Variants in IL17D observed in about 807,000 individuals in gnomAD.
IL17D encodes interleukin-17D.
In IL17D, 10 loss-of-function variants were observed where a neutral mutation model predicts 5.7. The observed-to-expected ratio is 1.75, with a 90% CI of 1.08 to 2.97. IL17D has a LOEUF of 2.97. Among genes scored for constraint, IL17D ranks in the 30% most tolerant of loss-of-function variants. The pLI is 0.00. For missense variants in IL17D, 354 were observed against 292.7 expected, an observed-to-expected ratio of 1.21 and a Z score of -1.53; for synonymous variants, 172 against 141.7, an observed-to-expected ratio of 1.21 and a Z score of -1.52.
Position 20,721,908 on chromosome 13 carries a change from G to C in IL17D, c.563G>C (p.Gly188Ala), listed in dbSNP as rs529811931. ...ATCAACTCCAGCATCGACAAACAGG[G>C]CGCCAAGCTCCTGCTGGGCCCCAAC... ...DSINSSIDKQ[G>A]AKLLLGPNDA... The change falls in exon 2 of 2, where the codon GGC (glycine) becomes GCC (alanine). Residue 188 changes from glycine to alanine, a missense_variant. Physicochemically the swap from Gly to Ala is moderately conservative, Grantham distance 60. Transcript: ENST00000682841. 6.2e-7 allele frequency: 1 copy of C among 1,606,536 alleles called. No homozygotes were observed. Among genetic ancestry groups the C allele is most frequent in the African/African-American group, 1.3e-5 (1 of 74,924 alleles).
chr13:20,714,069 G>A (rs924397425), intron 1 of IL17D: 2 of 152,264 alleles, frequency 1.3e-5, no homozygotes, highest in African/African-American at 4.8e-5. Context: ...GTGGGCATGA[G>A]TCGTGTTTTT....
chr13:20,718,837 GAC>G (rs1365123397), intron 1 of IL17D, among the ~76,000 whole-genome samples: 1 of 71,004 alleles, frequency 1.4e-5, no homozygotes, highest in Non-Finnish European at 2.8e-5. Flanking sequence ...CCCACACTCA[GAC>G]ACACCTGCCC....
At chr13:20,712,150 T>G (rs755648248) in intron 1 of IL17D, among the ~76,000 whole-genome samples, 27 of 152,240 alleles carry the variant, frequency 1.8e-4, no homozygotes, top group Non-Finnish European at 2.9e-4. Flanking sequence ...ACCCTGACAC[T>G]CCTCCTGCAG....
intron 1 of IL17D, among the ~76,000 whole-genome samples, chr13:20,720,731 G>C (rs1205547900): frequency 6.6e-6 from 1 of 152,132 alleles, no homozygotes; most frequent in Non-Finnish European, 1.5e-5. Flanking sequence ...TCAAACAGTG[G>C]ACTAGTGCTT....
chr13:20,715,895 G>C (rs1026361227), intron 1 of IL17D, among the ~76,000 whole-genome samples: 7 of 152,136 alleles, frequency 4.6e-5, no homozygotes, highest in African/African-American at 1.7e-4. Flanking sequence ...CACGCACCAC[G>C]ACGCCTGGCT....
At chr13:20,702,740 G>C (rs868560188), upstream of IL17D, 1 of 152,238 alleles carries the variant, frequency 6.6e-6, no homozygotes, top group South Asian at 2.1e-4. Context: ...GAACAGCCAT[G>C]AAAGTGCCAG....
Position 20,716,183 on chromosome 13 carries a change from A to T in IL17D, c.291-5453A>T, listed in dbSNP as rs1442223069. 1.4e-6 allele frequency: 1 copy of T among 725,226 alleles called. No homozygotes were observed. Among genetic ancestry groups the T allele is most frequent in the African/African-American group, 1.9e-5 (1 of 52,644 alleles). 44.9% of individuals were successfully genotyped at this position (725,226 alleles called of 1,614,324 possible). A position where few individuals can be genotyped will look rare whatever the true frequency, so the allele number is the denominator to read the frequency against. ...CTCTCAGCTCTTGGAGAGGGATGCTACATGTCCCTCAGTGTCCCCAGAGGA... is the reference window on the plus strand; with the variant it reads ...CTCTCAGCTCTTGGAGAGGGATGCTTCATGTCCCTCAGTGTCCCCAGAGGA... On this transcript the variant is annotated intron_variant, in intron 1 of 1. Coordinates refer to ENST00000682841, the MANE Select transcript of IL17D (RefSeq NM_001385224.1). The surrounding 1 kb of genome is among the most constrained non-coding windows in gnomAD (Gnocchi z 4.2).
intron 1 of IL17D, among the ~76,000 whole-genome samples, chr13:20,711,177 T>C (rs2058634035): frequency 6.6e-6 from 1 of 151,774 alleles, no homozygotes; most frequent in Non-Finnish European, 1.5e-5. Flanking sequence ...GGCAGGAGAA[T>C]CACTTGAACT....
intron 1 of IL17D, among the ~76,000 whole-genome samples, chr13:20,719,825 T>TTGA (rs1206346002): frequency 2.0e-5 from 3 of 152,174 alleles, no homozygotes; most frequent in Non-Finnish European, 4.4e-5. Context: ...TTGCATGTGT[T>TTGA]TGATAAATGA....
rs575349961 is a variant in IL17D, at chr13:20,721,735, C to G, written c.390C>G (p.Arg130=). 1.9e-6 allele frequency: 3 copies of G among 1,610,862 alleles called. No homozygotes were observed. Among genetic ancestry groups the G allele is most frequent in the African/African-American group, 2.7e-5 (2 of 75,048 alleles). ...LTGLFGEEDV[R]FRSAPVYMPT... ...GGCTGTTCGGCGAGGAGGACGTGCGCTTCCGCAGCGCCCCTGTCTACATGC... is the reference window on the plus strand; with the variant it reads ...GGCTGTTCGGCGAGGAGGACGTGCGGTTCCGCAGCGCCCCTGTCTACATGC... Residue 130 remains arginine (R), a synonymous_variant, in exon 2 of 2, where the codon CGC becomes CGG. Transcript: ENST00000682841.
At chr13:20,708,960 CAA>C (rs59047970) in intron 1 of IL17D, among the ~76,000 whole-genome samples, 6,395 of 65,130 alleles carry the variant, frequency 0.098, 180 homozygotes, top group Middle Eastern at 0.25. Context: ...GACTCTGTCT[CAA>C]AAAAAAAAAA....
chr13:20,707,694 T>G lies in IL17D; in HGVS notation c.290+3403T>G, dbSNP rs41374851. Reference sequence around the variant, plus strand: ...CACCACCACATGCAGCTAGTTTTTTTGTTTTGTTTTTTAGAGATGGGGGCC... The same window carrying G: ...CACCACCACATGCAGCTAGTTTTTTGGTTTTGTTTTTTAGAGATGGGGGCC... On this transcript the variant is annotated intron_variant, in intron 1 of 1. Coordinates refer to ENST00000682841, the MANE Select transcript of IL17D (RefSeq NM_001385224.1). Among the ~76,000 whole-genome samples the G allele has an allele frequency of 3.7e-3, 557 of 152,220 alleles. 9 individuals carry two copies. The highest frequency in any genetic ancestry group is 0.013 in the African/African-American group (533 of 41,550).
intron 1 of IL17D, chr13:20,717,482 G>C (rs376199948): frequency 3.9e-5 from 6 of 152,252 alleles, no homozygotes; most frequent in African/African-American, 1.2e-4. Flanking sequence ...GCAGGAGGCT[G>C]GGGTGAGGGA....
intron 1 of IL17D, among the ~76,000 whole-genome samples, chr13:20,711,886 G>A (rs2058640699): frequency 6.6e-6 from 1 of 152,238 alleles, no homozygotes; most frequent in African/African-American, 2.4e-5. Context: ...CAGATAAAAT[G>A]CTATACAGCT....
chr13:20,701,984 C>G (rs2058550383), upstream of IL17D: 1 of 152,134 alleles, frequency 6.6e-6, no homozygotes, highest in African/African-American at 2.4e-5. Flanking sequence ...GAATAACATA[C>G]AGAACTAAGT....
chr13:20,709,157 T>TTC (rs1347453088), intron 1 of IL17D, among the ~76,000 whole-genome samples: 15 of 144,876 alleles, frequency 1.0e-4, no homozygotes, highest in Non-Finnish European at 1.7e-4. Flanking sequence ...TTTTTTTTTT[T>TTC]CCTGGCACCC....
intron 1 of IL17D, among the ~76,000 whole-genome samples, chr13:20,717,939 A>T (rs2058690517): frequency 6.6e-6 from 1 of 152,128 alleles, no homozygotes; most frequent in Admixed American, 6.5e-5. Flanking sequence ...CGCCTGAGTG[A>T]CAGTTGTTCA....
At chr13:20,719,464 G>A (rs1273231533) in intron 1 of IL17D, among the ~76,000 whole-genome samples, 1 of 150,674 alleles carries the variant, frequency 6.6e-6, no homozygotes, top group African/African-American at 2.4e-5. Context: ...ACACACACCT[G>A]CCCACACACA....
chr13:20,707,829 C>T (rs546564172), intron 1 of IL17D, among the ~76,000 whole-genome samples: 1 of 152,280 alleles, frequency 6.6e-6, no homozygotes, highest in East Asian at 1.9e-4. Flanking sequence ...CAGGCCAGGG[C>T]TTGTTCCTTG....
Sources: allele counts gnomAD v4.1 joint callset (sites outside exome capture counted in the v4.1 genomes callset), GRCh38; gene constraint gnomAD v4.1.1; non-coding constraint Gnocchi (gnomAD v3.1); transcripts MANE v1.5; gene names NCBI Gene and HGNC (gene_info 2026-07-23, HGNC 2026-07-21).